CCDC146: variants seen among roughly 807,000 people sequenced by gnomAD.
CCDC146 encodes the protein coiled-coil domain-containing protein 146.
CCDC146 carries 92 observed loss-of-function variants against 119.3 expected under a neutral mutation model. The observed-to-expected ratio is 0.77, with a 90% confidence interval of 0.65 to 0.92. CCDC146 has a LOEUF of 0.92. Among genes scored for constraint, CCDC146 ranks in the 40% least tolerant of loss-of-function variants. CCDC146 has a pLI of 0.00. For missense variants in CCDC146, 1,000 were observed against 1,103.0 expected (o/e 0.91, Z 1.32); for synonymous variants, 372 against 371.8 (o/e 1.00, Z -0.01).
At chr7:77,155,349 A>G (rs1476954908) in intron 1 of CCDC146, among the ~76,000 whole-genome samples, 1 of 151,902 alleles carries the variant, frequency 6.6e-6, no homozygotes, top group East Asian at 1.9e-4. Flanking sequence ...TCTCTAACTG[A>G]TTTACACTGT....
At chr7:77,189,174 A>G (rs189620661) in intron 2 of CCDC146, among the ~76,000 whole-genome samples, 1 of 151,438 alleles carries the variant, frequency 6.6e-6, no homozygotes, top group Non-Finnish European at 1.5e-5. Flanking sequence ...CCAGCCTCCC[A>G]CCCCACTCCA....
intron 9 of CCDC146, among the ~76,000 whole-genome samples, chr7:77,263,941 T>C (rs1793351620): frequency 6.6e-6 from 1 of 152,062 alleles, no homozygotes; most frequent in Non-Finnish European, 1.5e-5. Flanking sequence ...AAAAGGAAGT[T>C]TTCTATCTCA....
chr7:77,247,970 A>C (rs1272266147), intron 4 of CCDC146, among the ~76,000 whole-genome samples: 3 of 152,226 alleles, frequency 2.0e-5, no homozygotes, highest in African/African-American at 7.2e-5. Context: ...TATCCAAAAG[A>C]TACCTGCGCT....
rs769656729 is a variant in CCDC146 at position 77,279,115 on chromosome 7, T to C, written c.1694+14T>C. ...TAGTCAAGAAAGGTAAGTGTTATAATAACTATTGGCCTTTCAAAGGCTTGT... is the reference window on the plus strand; with the variant it reads ...TAGTCAAGAAAGGTAAGTGTTATAACAACTATTGGCCTTTCAAAGGCTTGT... On this transcript the variant is annotated intron_variant, in intron 13 of 18. Transcript: ENST00000285871. 22 of 1,607,664 alleles carry C rather than the reference T, an allele frequency of 1.4e-5. No individual in the cohort carries two copies. Among genetic ancestry groups the C allele is most frequent in the Admixed American group, 3.4e-5 (2 of 58,498 alleles).
intron 2 of CCDC146, among the ~76,000 whole-genome samples, chr7:77,177,483 C>T (rs1791517932): frequency 6.6e-6 from 1 of 152,118 alleles, no homozygotes; most frequent in South Asian, 2.1e-4. Flanking sequence ...GGTTACACAT[C>T]GGGGTGGAAT....
At chr7:77,293,614 A>G (rs1039835142) in intron 18 of CCDC146, among the ~76,000 whole-genome samples, 1 of 152,160 alleles carries the variant, frequency 6.6e-6, no homozygotes, top group Admixed American at 6.5e-5. Flanking sequence ...GCCTCCACCC[A>G]CATTTTAGGT....
Position 77,236,975 on chromosome 7 carries a change from C to A in CCDC146, c.185C>A (p.Thr62Asn), listed in dbSNP as rs767036415. Residue 62 changes from threonine (T) to asparagine (N), a missense_variant, in exon 3 of 19, where the codon ACC (threonine) becomes AAC (asparagine). This residue lies in a region of CCDC146 where 985 missense variants were observed against 1,045.3 expected (regional missense o/e 0.94). Coordinates refer to ENST00000285871, the MANE Select transcript of CCDC146 (RefSeq NM_020879.3). ...CATGCTATGGGAAAACTTCCTGGAA[C>A]CAGAATGGCAGCGTTAAAAGCCAAG... ...ELHAMGKLPG[T>N]RMAALKAKYT... 3 of 1,614,066 alleles carry A rather than the reference C, an allele frequency of 1.9e-6. No homozygotes were observed. In the South Asian group the frequency reaches 3.3e-5, roughly 18 times the overall value.
At chr7:77,287,173 T>C (rs1793863212) in intron 16 of CCDC146, 1 of 602,180 alleles carries the variant, frequency 1.7e-6, no homozygotes, top group Non-Finnish European at 2.9e-6. Context: ...AGGAGTAATT[T>C]TGGCATCTTA....
At chr7:77,271,651 G>T (rs916621814) in intron 9 of CCDC146, among the ~76,000 whole-genome samples, 1 of 149,226 alleles carries the variant, frequency 6.7e-6, no homozygotes. Context: ...AGGAGGCTCT[G>T]CTACCAATGG....
chr7:77,139,560 A>G lies in CCDC146; in HGVS notation c.-12+16828A>G, dbSNP rs146040515. Among the ~76,000 whole-genome samples, 21 of 152,342 alleles carry G rather than the reference A, an allele frequency of 1.4e-4. No individual in the cohort carries two copies. In the East Asian group the frequency reaches 4.0e-3, roughly 29 times the overall value. On this transcript the variant is annotated intron_variant, in intron 1 of 18. Coordinates refer to ENST00000285871, the MANE Select transcript of CCDC146 (RefSeq NM_020879.3). ...TCAATGTAGTTTCATCAGTTGTAAC[A>G]AATGTGCCACTCTGGTGGAGGATGT...
chr7:77,247,697 T>A (rs1183470144), intron 4 of CCDC146, among the ~76,000 whole-genome samples: 4 of 152,256 alleles, frequency 2.6e-5, no homozygotes, highest in Non-Finnish European at 1.5e-5. Context: ...ATGAAAAAAG[T>A]TCATCACTAA....
intron 1 of CCDC146, among the ~76,000 whole-genome samples, chr7:77,142,209 C>T (rs1790943219): frequency 1.3e-5 from 2 of 152,108 alleles, no homozygotes; most frequent in South Asian, 4.2e-4. Context: ...ATTGGAAGTT[C>T]TGGCCAGGGC....
At chr7:77,233,512 C>A (rs1792674873) in intron 2 of CCDC146, among the ~76,000 whole-genome samples, 2 of 18,326 alleles carry the variant, frequency 1.1e-4, no homozygotes, top group Non-Finnish European at 1.8e-4. Flanking sequence ...TTTAAATCAG[C>A]AGCCCCCCAA....
At chr7:77,279,660 T>C (rs1793726492) in intron 13 of CCDC146, among the ~76,000 whole-genome samples, 1 of 152,250 alleles carries the variant, frequency 6.6e-6, no homozygotes, top group Non-Finnish European at 1.5e-5. Context: ...CTCTGTAACC[T>C]TGGACAAGCT....
chr7:77,290,681 T>G (rs985977034), intron 17 of CCDC146, among the ~76,000 whole-genome samples: 1 of 151,896 alleles, frequency 6.6e-6, no homozygotes, highest in Admixed American at 6.5e-5. Context: ...TCACTGAAGT[T>G]TTTAGTGGTA....
chr7:77,204,193 T>C (rs718461), intron 2 of CCDC146, among the ~76,000 whole-genome samples: 67,662 of 152,080 alleles, frequency 0.44, 17,574 homozygotes, highest in African/African-American at 0.72. Flanking sequence ...CTTTAAAGAA[T>C]ATGTGCTTTT....
At chr7:77,262,039 A>G (rs1271665967) in intron 8 of CCDC146, 82 bp from the exon 9 acceptor site, 13 of 1,160,864 alleles carry the variant, frequency 1.1e-5, no homozygotes, top group African/African-American at 3.1e-5. Context: ...AATATTCAGC[A>G]TGCTGTCTTG....
chr7:77,178,886 G>A (rs1222037128), intron 2 of CCDC146, among the ~76,000 whole-genome samples: 1 of 152,134 alleles, frequency 6.6e-6, no homozygotes, highest in Admixed American at 6.5e-5. Flanking sequence ...ATACATTGGG[G>A]ACTAAACATG....
At chr7:77,268,934 T>G (rs1166921196) in intron 9 of CCDC146, among the ~76,000 whole-genome samples, 2 of 152,212 alleles carry the variant, frequency 1.3e-5, no homozygotes, top group Non-Finnish European at 2.9e-5. Context: ...CTTACTTGCC[T>G]CCAGAATTTT....
Sources: gnomAD v4.1 joint callset for allele counts (sites outside exome capture counted in the v4.1 genomes callset) on GRCh38, gnomAD v4.1.1 for gene constraint, gnomAD v4.1.1 regional missense constraint, MANE v1.5 for transcripts, NCBI Gene and HGNC (gene_info 2026-07-23, HGNC 2026-07-21) for gene names.